The following TKFC variants were observed in gnomAD, a reference collection of about 807,000 sequenced individuals.
TKFC encodes triokinase/FMN cyclase.
In TKFC, 46 loss-of-function variants were observed where a neutral mutation model predicts 61.0. The observed-to-expected ratio is 0.75, with a 90% CI of 0.60 to 0.96. The LOEUF (loss-of-function observed/expected upper bound fraction) is 0.96, where lower values mean the gene tolerates loss of function less well. TKFC is among the 50% of genes least tolerant of loss of function. The probability of loss-of-function intolerance (pLI) is 0.00; values close to 1 mark genes in which losing one functional copy is unlikely to be tolerated. For missense variants in TKFC, 715 were observed against 777.5 expected (o/e 0.92, Z 0.96); for synonymous variants, 314 against 330.1 (o/e 0.95, Z 0.53).
chr11:61,344,257 C>A lies in TKFC; in HGVS notation c.1224C>A (p.His408Gln). Residue 408 changes from histidine to glutamine, a missense_variant, in exon 13 of 18, where the codon CAC (histidine) becomes CAA (glutamine). Physicochemically the swap from His to Gln is conservative, Grantham distance 24. Transcript: ENST00000394900. ...GTGACGGCGACTGTGGCACCACCCA[C>A]AGCCGTGCGGCCAGAGGTTGGTGCC... ...AAGDGDCGTT[H>Q]SRAARAIQEW... The A allele has an allele frequency of 6.2e-7, 1 of 1,612,994 alleles. No homozygotes were observed.
chr11:61,348,666 T>C lies in TKFC; in HGVS notation c.*2163T>C, dbSNP rs1031954267. The C allele has an allele frequency of 3.2e-5, 8 of 251,672 alleles. No individual in the cohort carries two copies. Among genetic ancestry groups the C allele is most frequent in the African/African-American group, 1.8e-4 (8 of 43,288 alleles). The allele number at this position is 251,672 out of a possible 1,614,324, so 15.6% of individuals were successfully genotyped here. ...GTGAGAAGATGGTCTCTGAGGAAGC[T>C]GGCCCTTGCCACACACCACATTTGC... On this transcript the variant is annotated 3_prime_UTR_variant, in exon 18 of 18. Coordinates refer to ENST00000394900, the MANE Select transcript of TKFC (RefSeq NM_015533.4).
rs769321622 is a variant in TKFC at position 61,345,601 on chromosome 11, G to C, written c.1451+36G>C. 26 of 1,611,906 alleles carry C rather than the reference G, an allele frequency of 1.6e-5. 1 individual carries two copies. The South Asian group carries it at 2.6e-4, about 16-fold the overall frequency. Reference sequence around the variant, plus strand: ...GCCCTGTGCATCAGACCAGGGGTGGGCTGGGGGAGGTGTTTGGTGACATCT... The same window carrying C: ...GCCCTGTGCATCAGACCAGGGGTGGCCTGGGGGAGGTGTTTGGTGACATCT... On this transcript the variant is annotated intron_variant, in intron 15 of 17. Transcript: ENST00000394900.
At chr11:61,343,685 C>A in intron 11 of TKFC, 171 bp from the exon 12 acceptor site, 1 of 1,058,276 alleles carries the variant, frequency 9.4e-7, no homozygotes, top group Non-Finnish European at 1.4e-6. Flanking sequence ...GGGACCCTCT[C>A]TCCATACCCC....
intron 5 of TKFC, among the ~76,000 whole-genome samples, chr11:61,340,936 A>G (rs1019375910): frequency 5.3e-5 from 8 of 152,030 alleles, no homozygotes; most frequent in African/African-American, 1.7e-4. Context: ...TAAATTTTCA[A>G]TTTATGGGTA....
rs150633640 is a variant in TKFC, at chr11:61,338,041, G to T, written c.104G>T (p.Arg35Leu). The part of the protein sequence containing the change: ...NPNLQLLQGH[R>L]VALRSDLDSL... Reference sequence around the variant, plus strand: ...AACCTGCAGCTCCTGCAGGGCCACCGCGTGGCCCTCCGTTCTGACCTGGAC... The same window carrying T: ...AACCTGCAGCTCCTGCAGGGCCACCTCGTGGCCCTCCGTTCTGACCTGGAC... The change falls in exon 3 of 18, where the codon CGC becomes CTC. Residue 35 changes from arginine (R) to leucine (L), a missense_variant. Transcript: ENST00000394900. The T allele has an allele frequency of 5.6e-5, 90 of 1,613,096 alleles. No individual in the cohort carries two copies. The highest frequency in any genetic ancestry group is 7.4e-5 in the Non-Finnish European group (87 of 1,179,852).
downstream of TKFC, chr11:61,352,505 C>CA (rs1424148351): frequency 6.0e-6 from 1 of 167,032 alleles, no homozygotes; most frequent in Non-Finnish European, 1.3e-5. Context: ...ACTAAAAATT[C>CA]AAAAAATTAG....
rs763400510 is a variant in TKFC at position 61,344,358 on chromosome 11, CCTT to C, written c.1240+86_1240+88del. 6 of 1,187,812 alleles carry C rather than the reference CCTT, an allele frequency of 5.1e-6. No homozygotes were observed. In the African/African-American group the frequency reaches 6.3e-5, roughly 12 times the overall value. The allele number at this position is 1,187,812 out of a possible 1,614,324, so 73.6% of individuals were successfully genotyped here. ...TTGTTTCCCTGAAGGCAGGGACCTT[CCTT>C]TTTTTTTTTTTTTTTTTTTAAGAAG... On this transcript the variant is annotated intron_variant, in intron 13 of 17. Coordinates refer to ENST00000394900, the MANE Select transcript of TKFC (RefSeq NM_015533.4).
rs141621658 is a variant in TKFC at position 61,340,843 on chromosome 11, C to T, written c.487-593C>T. Among the ~76,000 whole-genome samples, 62 of 152,274 alleles carry T rather than the reference C, an allele frequency of 4.1e-4. No homozygotes were observed. The East Asian group carries it at 0.011, about 28-fold the overall frequency. On this transcript the variant is annotated intron_variant, in intron 5 of 17. Transcript: ENST00000394900. ...ATGTCTCCCCACCTGGAAGGCTCTCCCTGATCTCCATCTCCCCACTACCCT... is the reference window on the plus strand; with the variant it reads ...ATGTCTCCCCACCTGGAAGGCTCTCTCTGATCTCCATCTCCCCACTACCCT...
chr11:61,335,403 G>C (rs1014424994), intron 2 of TKFC: 3 of 152,770 alleles, frequency 2.0e-5, no homozygotes, highest in Non-Finnish European at 4.4e-5. Flanking sequence ...CTGAAACCAG[G>C]GATAGCACTG....
chr11:61,342,203 G>A (rs3741268), intron 7 of TKFC: 572,077 of 612,616 alleles, frequency 0.93, 273,875 homozygotes, highest in Non-Finnish European at 1. Flanking sequence ...TTCAACGGCT[G>A]TTCAAAGATC....
At position 61,334,602 on chromosome 11, in the gene TKFC, C is replaced by T. The variant is rs1028789114; in HGVS notation, c.-109-18C>T. 25 of 1,253,004 alleles carry T rather than the reference C, an allele frequency of 2.0e-5. No individual in the cohort carries two copies. The Admixed American group carries it at 2.6e-4, about 13-fold the overall frequency. 77.6% of individuals were successfully genotyped at this position (1,253,004 alleles called of 1,614,324 possible). A position where few individuals can be genotyped will look rare whatever the true frequency, so the allele number is the denominator to read the frequency against. ...TGCGAGTTCCTTCCGCAGCTTGTAT[C>T]GTTACCCACTCCTGCAGGTGCTGCT... On this transcript the variant is annotated intron_variant, in intron 1 of 17. Coordinates refer to ENST00000394900, the MANE Select transcript of TKFC (RefSeq NM_015533.4).
downstream of TKFC, chr11:61,351,070 G>A (rs760458411): frequency 1.2e-6 from 2 of 1,613,932 alleles, no homozygotes; most frequent in Non-Finnish European, 1.7e-6. Context: ...CAGCCCAAAG[G>A]CCACCACCAG....
At chr11:61,335,332 G>A (rs1186670869) in intron 2 of TKFC, 1 of 154,944 alleles carries the variant, frequency 6.5e-6, no homozygotes, top group Non-Finnish European at 1.4e-5. Flanking sequence ...GTGTGGTGTT[G>A]ATCAAGCAGA....
At chr11:61,336,459 C>T (rs1430620422) in intron 2 of TKFC, 1 of 152,388 alleles carries the variant, frequency 6.6e-6, no homozygotes, top group Non-Finnish European at 1.5e-5. Flanking sequence ...CAGGACAAAG[C>T]CAGGGGCTGC....
chr11:61,347,211 AG>A lies in TKFC; in HGVS notation c.*709del. On this transcript the variant is annotated 3_prime_UTR_variant, in exon 18 of 18. Coordinates refer to ENST00000394900, the MANE Select transcript of TKFC (RefSeq NM_015533.4). ...GGGCATTTGGGACACCAGAAGGAAA[AG>A]AAATCATCATAGTCTAAGGTTCAGT... The A allele has an allele frequency of 1.0e-6, 1 of 985,462 alleles. No homozygotes were observed. Among genetic ancestry groups the A allele is most frequent in the Non-Finnish European group, 1.2e-6 (1 of 829,956 alleles). 61.0% of individuals were successfully genotyped at this position (985,462 alleles called of 1,614,324 possible). A position where few individuals can be genotyped will look rare whatever the true frequency, so the allele number is the denominator to read the frequency against.
At chr11:61,344,860 T>C (rs1296966661) in intron 13 of TKFC, among the ~76,000 whole-genome samples, 2 of 152,166 alleles carry the variant, frequency 1.3e-5, no homozygotes, top group African/African-American at 4.8e-5. Flanking sequence ...GTGCCTGCCG[T>C]GGGGCAGGCA....
At chr11:61,344,683 C>T (rs1461577827) in intron 13 of TKFC, among the ~76,000 whole-genome samples, 1 of 152,170 alleles carries the variant, frequency 6.6e-6, no homozygotes, top group African/African-American at 2.4e-5. Context: ...CTTCTTAACA[C>T]CACAAATGTA....
chr11:61,352,970 C>T, downstream of TKFC: 3 of 1,614,084 alleles, frequency 1.9e-6, no homozygotes, highest in Non-Finnish European at 2.5e-6. Context: ...GAGTTGGGGA[C>T]CCCACTGCAC....
intron 5 of TKFC, among the ~76,000 whole-genome samples, chr11:61,340,259 G>A (rs1399087006): frequency 1.0e-4 from 15 of 150,740 alleles, no homozygotes; most frequent in Admixed American, 3.3e-4. Context: ...TGATCTGCCC[G>A]CCTCGGCCTC....
Sources: allele counts gnomAD v4.1 joint callset (sites outside exome capture counted in the v4.1 genomes callset), GRCh38; gene constraint gnomAD v4.1.1; transcripts MANE v1.5; gene names NCBI Gene and HGNC (gene_info 2026-07-23, HGNC 2026-07-21).